Variants in SLC25A39 observed in about 807,000 individuals in gnomAD.
The protein encoded by SLC25A39 is solute carrier family 25 member 39, also known as mitochondrial glutathione transporter SLC25A39.
In SLC25A39, 44 loss-of-function variants were observed where a neutral mutation model predicts 46.6. That is an observed-to-expected ratio of 0.94 (90% CI 0.74 to 1.21). The LOEUF is 1.21. Ranked by LOEUF, SLC25A39 falls within the 50% of genes most tolerant of loss-of-function variation. SLC25A39 has a pLI of 0.00. For synonymous variants in SLC25A39, 218 were observed against 190.6 expected (o/e 1.14, Z -1.19); for missense variants, 487 against 473.0 (o/e 1.03, Z -0.28).
rs151086011 is a variant in SLC25A39, at chr17:44,320,954, A to G, written c.691+104T>C. 102 of 1,349,344 alleles carry G rather than the reference A, an allele frequency of 7.6e-5. No homozygotes were observed. In the Middle Eastern group the frequency reaches 7.9e-4, roughly 11 times the overall value. 83.6% of individuals were successfully genotyped at this position (1,349,344 alleles called of 1,614,324 possible). ...GAGAAACCCATGGCTCAGAAAAGCT[A>G]AGTAACTTCATGGTCACTAGTCACA... On this transcript the variant is annotated intron_variant, in intron 8 of 11. Coordinates refer to ENST00000377095, the MANE Select transcript of SLC25A39 (RefSeq NM_001143780.3).
Position 44,322,566 on chromosome 17 carries a change from G to A in SLC25A39, c.191-14C>T, listed in dbSNP as rs1178324977. On this transcript the variant is annotated splice_polypyrimidine_tract_variant and intron_variant, in intron 4 of 11. Transcript: ENST00000377095. The stretch of plus-strand genomic sequence containing the variant: ...GAGAGGAGGGCACTGGGGAAAGGCA[G>A]GGGGCATTATAATGACAGGATCCTA... 5.0e-6 allele frequency: 8 copies of A among 1,613,176 alleles called. No individual in the cohort carries two copies. Among genetic ancestry groups the A allele is most frequent in the Middle Eastern group, 1.6e-4 (1 of 6,084 alleles).
rs1048344765 is a variant in SLC25A39, at chr17:44,321,192, C to T, written c.557G>A (p.Arg186Gln). The T allele has an allele frequency of 1.1e-5, 17 of 1,612,460 alleles. No individual in the cohort carries two copies. Among genetic ancestry groups the T allele is most frequent in the African/African-American group, 2.7e-5 (2 of 74,870 alleles). Residue 186 changes from arginine (R) to glutamine (Q), a missense_variant, in exon 8 of 12, where the codon CGG becomes CAG. Physicochemically the swap from Arg to Gln is conservative, Grantham distance 43 (BLOSUM62 1). Coordinates refer to ENST00000377095, the MANE Select transcript of SLC25A39 (RefSeq NM_001143780.3). ...VTVISPLELM[R>Q]TKLQAQHVSY... ...CACATGCTGAGCCTGCAGCTTTGTCCGCATAAGCTCCAGGGGGCTGATCAC... is the reference window on the plus strand; with the variant it reads ...CACATGCTGAGCCTGCAGCTTTGTCTGCATAAGCTCCAGGGGGCTGATCAC...
At position 44,321,238 on chromosome 17, in the gene SLC25A39, G is replaced by A; in HGVS notation, c.518-7C>T. On this transcript the variant is annotated splice_region_variant and splice_polypyrimidine_tract_variant and intron_variant, in intron 7 of 11. Transcript: ENST00000377095. The stretch of plus-strand genomic sequence containing the variant: ...ATCACAGTCACGGTGCCCACTGTGT[G>A]GGGATTGGGGGTGACAATGGGGAGA... 1.9e-6 allele frequency: 3 copies of A among 1,598,896 alleles called. No individual in the cohort carries two copies. In the South Asian group the frequency reaches 3.4e-5, roughly 18 times the overall value.
At chr17:44,321,616 A>G in intron 6 of SLC25A39, 58 bp from the exon 7 acceptor site, 1 of 1,609,200 alleles carries the variant, frequency 6.2e-7, no homozygotes, top group Non-Finnish European at 8.5e-7. Flanking sequence ...CTTTTAAAGC[A>G]TCACCTGCCC....
intron 1 of SLC25A39, chr17:44,323,801 C>T (rs2048140424): frequency 1.8e-6 from 1 of 544,866 alleles, no homozygotes; most frequent in Non-Finnish European, 3.3e-6. Flanking sequence ...ACCACCACGC[C>T]TAGTTAATTT....
chr17:44,319,917 G>T lies in SLC25A39; in HGVS notation c.*84C>A. The T allele has an allele frequency of 7.5e-7, 1 of 1,328,508 alleles. No individual in the cohort carries two copies. 82.3% of individuals were successfully genotyped at this position (1,328,508 alleles called of 1,614,324 possible). On this transcript the variant is annotated 3_prime_UTR_variant, in exon 12 of 12. Coordinates refer to ENST00000377095, the MANE Select transcript of SLC25A39 (RefSeq NM_001143780.3). Reference sequence around the variant, plus strand: ...AGGGAAACAAGCCCCCTCCCTCAGTGCTGAGGAAAAGGCACTTGGCTGGGT... The same window carrying T: ...AGGGAAACAAGCCCCCTCCCTCAGTTCTGAGGAAAAGGCACTTGGCTGGGT...
rs547973717 is a variant in SLC25A39 at position 44,320,032 on chromosome 17, C to A, written c.1049G>T (p.Arg350Met). Residue 350 changes from arginine (R) to methionine (M), a missense_variant, in exon 12 of 12, where the codon AGG (arginine) becomes ATG (methionine). Physicochemically the swap from Arg to Met is moderately conservative, Grantham distance 91. Coordinates refer to ENST00000377095, the MANE Select transcript of SLC25A39 (RefSeq NM_001143780.3). ...GCCCAGAAGCCGGTCCTGGTTCAGC[C>A]TCTGGAAGAAGCTTTTGCCGAACTC... ...TYEFGKSFFQ[R>M]LNQDRLLGG 23 of 1,614,074 alleles carry A rather than the reference C, an allele frequency of 1.4e-5. No homozygotes were observed. The South Asian group carries it at 2.5e-4, about 18-fold the overall frequency.
Position 44,321,547 on chromosome 17 carries a change from A to T in SLC25A39, c.404T>A (p.Val135Glu). 6.2e-7 allele frequency: 1 copy of T among 1,614,056 alleles called. No homozygotes were observed. The highest frequency in any genetic ancestry group is 8.5e-7 in the Non-Finnish European group (1 of 1,179,988). The stretch of plus-strand genomic sequence containing the variant: ...AGTGAAGTAGATGGCGGTAGCTGGC[A>T]CAGTCATCACCCTGGGGATACAGAG... The part of the protein sequence containing the change: ...SGLPATLVMT[V>E]PATAIYFTAY... Residue 135 changes from valine (V) to glutamate (E), a missense_variant, in exon 7 of 12, where the codon GTG becomes GAG. Physicochemically the swap from Val to Glu is moderately radical, Grantham distance 121 (BLOSUM62 -2). Coordinates refer to ENST00000377095, the MANE Select transcript of SLC25A39 (RefSeq NM_001143780.3).
intron 3 of SLC25A39, 51 bp downstream of exon 3, chr17:44,323,233 C>CT (rs756236263): frequency 1.2e-6 from 2 of 1,607,452 alleles, no homozygotes; most frequent in Admixed American, 3.3e-5. Context: ...TCTGGGAGAT[C>CT]TTTCTTTTGC....
rs927242442 is a variant in SLC25A39 at position 44,319,777 on chromosome 17, G to T, written c.*224C>A. The T allele has an allele frequency of 5.4e-6, 3 of 553,348 alleles. No homozygotes were observed. The highest frequency in any genetic ancestry group is 3.8e-5 in the African/African-American group (2 of 52,922). The allele number at this position is 553,348 out of a possible 1,614,324, so 34.3% of individuals were successfully genotyped here. ...GCTGGAAGATTTGGTCTTGAACTTG[G>T]GGGGTGGGTAAGTGATGATCCCCAC... is the stretch of plus-strand genomic sequence containing the variant. On this transcript the variant is annotated 3_prime_UTR_variant, in exon 12 of 12. Transcript: ENST00000377095.
chr17:44,320,141 CAG>C (rs752840376), intron 11 of SLC25A39, 25 bp from the exon 12 acceptor site: 23 of 1,613,886 alleles, frequency 1.4e-5, no homozygotes, highest in African/African-American at 2.7e-5. Flanking sequence ...AGGCCCGTGT[CAG>C]GGGTCAGGTC....
Position 44,320,388 on chromosome 17 carries a change from G to A in SLC25A39, c.850C>T (p.Gln284Ter), listed in dbSNP as rs991456876. ...LPFDVVKTQR[Q>*]VALGAMEAVR... The stretch of plus-strand genomic sequence containing the variant: ...GCCTCCATCGCTCCCAGAGCGACCT[G>A]GCGTTGGGTCTTTACCACGTCAAAG... Residue 284 changes from glutamine to a stop codon, truncating the protein, a stop_gained, in exon 10 of 12, where the codon CAG (glutamine) becomes TAG (stop). Transcript: ENST00000377095. LOFTEE classifies it high-confidence loss of function. 3.1e-6 allele frequency: 5 copies of A among 1,613,548 alleles called. No homozygotes were observed. Among genetic ancestry groups the A allele is most frequent in the Non-Finnish European group, 4.2e-6 (5 of 1,180,046 alleles).
chr17:44,321,974 G>A (rs748840805), intron 5 of SLC25A39, among the ~76,000 whole-genome samples: 5 of 152,204 alleles, frequency 3.3e-5, no homozygotes, highest in Non-Finnish European at 7.4e-5. Flanking sequence ...GGCCAGGCAC[G>A]GTGGCTCACA....
Position 44,321,427 on chromosome 17 carries a change from T to G in SLC25A39, c.517+7A>C. On this transcript the variant is annotated splice_region_variant and intron_variant, in intron 7 of 11. Transcript: ENST00000377095. ...GAGGGAGGTCAAAGGCCCAAGACTA[T>G]GCTCACGGCGGGCCAGCGCGCCAGC... 6.2e-7 allele frequency: 1 copy of G among 1,613,568 alleles called. No homozygotes were observed. The highest frequency in any genetic ancestry group is 1.3e-5 in the African/African-American group (1 of 74,892).
intron 2 of SLC25A39, 39 bp downstream of exon 2, chr17:44,323,439 A>ACCCCCCCCCCCC: frequency 1.6e-5 from 4 of 257,094 alleles, no homozygotes; most frequent in Non-Finnish European, 2.3e-5. Flanking sequence ...GGTCTGCCCC[A>ACCCCCCCCCCCC]TCCCCACCCG....
At chr17:44,323,790 C>T (rs750182356) in intron 1 of SLC25A39, 10 of 567,932 alleles carry the variant, frequency 1.8e-5, no homozygotes, top group African/African-American at 3.8e-5. Flanking sequence ...TACAGGCGCG[C>T]ACCACCACGC....
chr17:44,320,496 C>A, intron 9 of SLC25A39, 60 bp from the exon 10 acceptor site: 1 of 1,602,910 alleles, frequency 6.2e-7, no homozygotes, highest in Non-Finnish European at 8.5e-7. Context: ...CCCCTACCTC[C>A]CAGATGGCTC....
In SLC25A39 at chr17:44,320,048, T is replaced by C; in HGVS notation, c.1033A>G (p.Lys345Glu). 1 of 1,614,058 alleles carries C rather than the reference T, an allele frequency of 6.2e-7. No individual in the cohort carries two copies. The highest frequency in any genetic ancestry group is 1.1e-5 in the South Asian group (1 of 91,088). Reference protein sequence around the residue: ...AIMISTYEFGKSFFQRLNQDR... With the variant: ...AIMISTYEFGESFFQRLNQDR... ...TGGTTCAGCCTCTGGAAGAAGCTTT[T>C]GCCGAACTCATAGGTGCTGATCATG... is the stretch of plus-strand genomic sequence containing the variant. The change falls in exon 12 of 12, where the codon AAA becomes GAA. Residue 345 changes from lysine to glutamate, a missense_variant. Physicochemically the swap from Lys to Glu is moderately conservative, Grantham distance 56. Coordinates refer to ENST00000377095, the MANE Select transcript of SLC25A39 (RefSeq NM_001143780.3).
intron 5 of SLC25A39, 45 bp downstream of exon 5, chr17:44,322,374 C>A: frequency 6.2e-7 from 1 of 1,611,728 alleles, no homozygotes; most frequent in Non-Finnish European, 8.5e-7. Flanking sequence ...AGACCGAACT[C>A]CTCACGGACA....
Sources: allele counts gnomAD v4.1 joint callset (sites outside exome capture counted in the v4.1 genomes callset), GRCh38; gene constraint gnomAD v4.1.1; transcripts MANE v1.5; gene names NCBI Gene and HGNC (gene_info 2026-07-23, HGNC 2026-07-21).